LRRC32: variants seen among roughly 807,000 people sequenced by gnomAD.
LRRC32 encodes transforming growth factor beta activator LRRC32.
LRRC32 carries 5 observed loss-of-function variants against 15.0 expected under a neutral mutation model. The ratio of observed to expected loss-of-function variants is 0.33; its 90% CI spans 0.17 to 0.70. The LOEUF is 0.70. Among genes scored for constraint, LRRC32 ranks in the 30% least tolerant of loss-of-function variants. The pLI is 0.66. For synonymous variants in LRRC32, 391 were observed against 403.9 expected (o/e 0.97, Z 0.38); for missense variants, 803 against 854.2 (o/e 0.94, Z 0.75).
Position 76,658,291 on chromosome 11 carries a change from G to C in LRRC32, c.*1313C>G, listed in dbSNP as rs985397612. 10 of 152,336 alleles carry C rather than the reference G, an allele frequency of 6.6e-5. No individual in the cohort carries two copies. Among genetic ancestry groups the C allele is most frequent in the Admixed American group, 1.3e-4 (2 of 15,288 alleles). 9.4% of individuals were successfully genotyped at this position (152,336 alleles called of 1,614,324 possible). A position where few individuals can be genotyped will look rare whatever the true frequency, so the allele number is the denominator to read the frequency against. On this transcript the variant is annotated 3_prime_UTR_variant, in exon 3 of 3. Coordinates refer to ENST00000260061, the MANE Select transcript of LRRC32 (RefSeq NM_001128922.2). ...TGGATTCCATAGTCTCAAACTCCAG[G>C]CTCTGCTCAATAGAGGAAAAGGGAA...
chr11:76,660,486 G>A lies in LRRC32; in HGVS notation c.1107C>T (p.Asp369=), dbSNP rs1320299186. The part of the protein sequence containing the change: ...LGSLPCLMLL[D]LSHNALETLE... ...GTGTCTCCAGGGCATTGTGGCTTAA[G>A]TCAAGGAGCATCAGGCAGGGCAGGG... Residue 369 remains aspartate (D), a synonymous_variant, in exon 3 of 3, where the codon GAC becomes GAT. Coordinates refer to ENST00000260061, the MANE Select transcript of LRRC32 (RefSeq NM_001128922.2). 6.2e-7 allele frequency: 1 copy of A among 1,614,096 alleles called. No individual in the cohort carries two copies. Among genetic ancestry groups the A allele is most frequent in the South Asian group, 1.1e-5 (1 of 91,080 alleles).
chr11:76,665,233 G>T (rs1054487717), intron 2 of LRRC32, among the ~76,000 whole-genome samples: 242 of 152,286 alleles, frequency 1.6e-3, no homozygotes, highest in African/African-American at 5.6e-3. Flanking sequence ...AGACAGGCTT[G>T]GACCCTTTCA....
intron 1 of LRRC32, among the ~76,000 whole-genome samples, chr11:76,666,690 G>A (rs571937476): frequency 6.6e-6 from 1 of 152,328 alleles, no homozygotes; most frequent in South Asian, 2.1e-4. Flanking sequence ...GGGCTAAGGG[G>A]ACCGCACAGG....
intron 1 of LRRC32, among the ~76,000 whole-genome samples, chr11:76,667,791 C>T (rs895680481): frequency 6.6e-6 from 1 of 152,252 alleles, no homozygotes; most frequent in Non-Finnish European, 1.5e-5. Flanking sequence ...TCCCCGGTGT[C>T]CCCTCTCACA....
intron 2 of LRRC32, 125 bp downstream of exon 2, chr11:76,665,746 T>C: frequency 7.2e-7 from 1 of 1,397,624 alleles, no homozygotes; most frequent in Non-Finnish European, 9.8e-7. Flanking sequence ...GCTCATTAAA[T>C]GCAAGGTACA....
chr11:76,667,258 G>T (rs192162413), intron 1 of LRRC32, among the ~76,000 whole-genome samples: 90 of 152,306 alleles, frequency 5.9e-4, no homozygotes, highest in African/African-American at 2.1e-3. Flanking sequence ...GAGAGCTTAG[G>T]TACTATGCCC....
rs751781425 is a variant in LRRC32 at position 76,660,213 on chromosome 11, T to G, written c.1380A>C (p.Ala460=). The G allele has an allele frequency of 3.2e-6, 5 of 1,577,064 alleles. No individual in the cohort carries two copies. In the Admixed American group the frequency reaches 5.6e-5, roughly 18 times the overall value. ...TCAGTGGGGTGTGGAGGAAGGCCCCTGCCCTGAGCAGCTCTATCTCATTAT... is the reference window on the plus strand; with the variant it reads ...TCAGTGGGGTGTGGAGGAAGGCCCCGGCCCTGAGCAGCTCTATCTCATTAT... ...LVDNEIELLR[A]GAFLHTPLTE... The change falls in exon 3 of 3, where the codon GCA becomes GCC. Residue 460 remains alanine (A), a synonymous_variant. Coordinates refer to ENST00000260061, the MANE Select transcript of LRRC32 (RefSeq NM_001128922.2).
chr11:76,664,862 G>T (rs1302982809), intron 2 of LRRC32, among the ~76,000 whole-genome samples: 1 of 152,226 alleles, frequency 6.6e-6, no homozygotes, highest in Non-Finnish European at 1.5e-5. Context: ...GGGAATCTTA[G>T]AAGGGCTCTG....
At chr11:76,663,911 T>A (rs1234207050) in intron 2 of LRRC32, 3 of 151,902 alleles carry the variant, frequency 2.0e-5, no homozygotes, top group Admixed American at 2.0e-4. Context: ...CTAAGGGGAG[T>A]GGGCTGCCCA....
At position 76,660,079 on chromosome 11, in the gene LRRC32, A is replaced by G. The variant is rs764702699; in HGVS notation, c.1514T>C (p.Val505Ala). The G allele has an allele frequency of 1.2e-5, 20 of 1,613,896 alleles. No individual in the cohort carries two copies. The highest frequency in any genetic ancestry group is 1.7e-5 in the Non-Finnish European group (20 of 1,180,002). The change falls in exon 3 of 3, where the codon GTC becomes GCC. Residue 505 changes from valine (V) to alanine (A), a missense_variant. By Grantham distance (64) the Val-to-Ala change is moderately conservative. Coordinates refer to ENST00000260061, the MANE Select transcript of LRRC32 (RefSeq NM_001128922.2). ...VLALQGNGLMVLQVDLPCFIC... is the reference protein window; with the variant it reads ...VLALQGNGLMALQVDLPCFIC... ...GAAGCAGGGCAGGTCCACCTGCAGG[A>G]CCATCAGCCCGTTGCCCTGCAGTGC... is the stretch of plus-strand genomic sequence containing the variant.
chr11:76,668,233 C>CTGGATGG (rs1952656758), intron 1 of LRRC32, among the ~76,000 whole-genome samples: 8 of 152,154 alleles, frequency 5.3e-5, no homozygotes, highest in Non-Finnish European at 1.2e-4. Context: ...CCATCCATGC[C>CTGGATGG]GTCAGTGGGC....
chr11:76,670,318 T>C (rs1013521735), intron 1 of LRRC32, among the ~76,000 whole-genome samples: 1 of 152,212 alleles, frequency 6.6e-6, no homozygotes, highest in African/African-American at 2.4e-5. Flanking sequence ...GGTTTGCCCT[T>C]GCCTAGCTGT....
chr11:76,662,943 T>C (rs2120073257), intron 2 of LRRC32: 1 of 146,512 alleles, frequency 6.8e-6, no homozygotes, highest in Admixed American at 6.8e-5. Context: ...CCACACCCAC[T>C]GCTGGGGCCT....
intron 1 of LRRC32, among the ~76,000 whole-genome samples, chr11:76,668,317 AC>A (rs1341715667): frequency 2.6e-5 from 4 of 152,010 alleles, no homozygotes; most frequent in Non-Finnish European, 5.9e-5. Flanking sequence ...CCGAGACGCC[AC>A]CCCAATCCTG....
Position 76,660,019 on chromosome 11 carries a change from C to A in LRRC32, c.1574G>T (p.Arg525Leu), listed in dbSNP as rs577763122. The A allele has an allele frequency of 1.2e-6, 2 of 1,614,106 alleles. No individual in the cohort carries two copies. The highest frequency in any genetic ancestry group is 1.7e-6 in the Non-Finnish European group (2 of 1,180,042). The stretch of plus-strand genomic sequence containing the variant: ...TGTCCAGGCGGGAAGGTGGCTCAGG[C>A]GGTTCTCGGCAAGATTGAGCCGCTT... ...CLKRLNLAEN[R>L]LSHLPAWTQA... The change falls in exon 3 of 3, where the codon CGC becomes CTC. Residue 525 changes from arginine to leucine, a missense_variant. Coordinates refer to ENST00000260061, the MANE Select transcript of LRRC32 (RefSeq NM_001128922.2).
At chr11:76,661,644 C>G (rs1284607298) in intron 2 of LRRC32, 136 bp from the exon 3 acceptor site, 2 of 1,396,698 alleles carry the variant, frequency 1.4e-6, no homozygotes, top group Non-Finnish European at 1.9e-6. Context: ...CAACTTTCCC[C>G]CACCGCAGCC....
In LRRC32 at chr11:76,665,661, C is replaced by T. The variant is rs192947454; in HGVS notation, c.84+210G>A. On this transcript the variant is annotated intron_variant, in intron 2 of 2. Coordinates refer to ENST00000260061, the MANE Select transcript of LRRC32 (RefSeq NM_001128922.2). ...AATCTCTCCAAGCCTCAGTCTCCTC[C>T]TTTGCAAAATGAGAATAATGGTGCT... 2.5e-3 allele frequency among the ~76,000 whole-genome samples: 380 copies of T among 152,350 alleles called. 3 individuals are homozygous for T. The highest frequency in any genetic ancestry group is 9.0e-3 in the African/African-American group (374 of 41,582).
intron 1 of LRRC32, among the ~76,000 whole-genome samples, chr11:76,666,296 G>C (rs1952625275): frequency 6.6e-6 from 1 of 152,186 alleles, no homozygotes. Flanking sequence ...AGACCCTAAG[G>C]GTTACCCTAG....
At position 76,661,005 on chromosome 11, in the gene LRRC32, C is replaced by T; in HGVS notation, c.588G>A (p.Leu196=). 1 of 1,614,150 alleles carries T rather than the reference C, an allele frequency of 6.2e-7. No homozygotes were observed. Among genetic ancestry groups the T allele is most frequent in the Non-Finnish European group, 8.5e-7 (1 of 1,180,000 alleles). Residue 196 remains leucine, a synonymous_variant, in exon 3 of 3, where the codon CTG becomes CTA. Transcript: ENST00000260061. The stretch of plus-strand genomic sequence containing the variant: ...AGAGGTTGAGATGGGTCAGGCGGGG[C>T]AGACCCTCGAAGGCGCCATCCTCGA... ...MDIEDGAFEG[L]PRLTHLNLSR...
Sources: allele counts gnomAD v4.1 joint callset (sites outside exome capture counted in the v4.1 genomes callset), GRCh38; gene constraint gnomAD v4.1.1; transcripts MANE v1.5; gene names NCBI Gene and HGNC (gene_info 2026-07-23, HGNC 2026-07-21).